The following TAF1D variants were observed in gnomAD, a reference collection of about 807,000 sequenced individuals.
The protein encoded by TAF1D is TATA-box binding protein associated factor, RNA polymerase I subunit D.
TAF1D carries 23 observed loss-of-function variants against 26.2 expected under a neutral mutation model. The observed-to-expected ratio is 0.88, with a 90% CI of 0.63 to 1.25. The LOEUF (loss-of-function observed/expected upper bound fraction) is 1.25, where lower values mean the gene tolerates loss of function less well. Ranked by LOEUF, TAF1D falls within the 50% of genes most tolerant of loss-of-function variation. The pLI, the probability that TAF1D is intolerant of heterozygous loss-of-function variation, is 0.00. For synonymous variants in TAF1D, 100 were observed against 105.6 expected (o/e 0.95, Z 0.33); for missense variants, 299 against 322.0 (o/e 0.93, Z 0.55).
exon 12 of TAF1D, chr11:93,730,254 C>CA (rs1257458938): frequency 1.3e-5 from 20 of 1,549,494 alleles, no homozygotes; most frequent in Admixed American, 2.0e-5. Flanking sequence ...AACTTCGAGC[C>CA]AAAAATACAT....
At position 93,736,687 on chromosome 11, in the gene TAF1D, CACTT is replaced by C. The variant is rs1940867515; in HGVS notation, c.693+3_693+6del. 1.2e-6 allele frequency: 2 copies of C among 1,610,584 alleles called. No homozygotes were observed. Among genetic ancestry groups the C allele is most frequent in the Non-Finnish European group, 1.7e-6 (2 of 1,179,042 alleles). ...AAAATGGAATAGGAAAAAAATAAGT[CACTT>C]ACTGCCAATTTGATATCACATTCGT... On this transcript the variant is annotated splice_donor_5th_base_variant and intron_variant, in intron 5 of 5. Transcript: ENST00000448108.
At chr11:93,734,491 C>T (rs997382973), downstream of TAF1D, 66 of 380,502 alleles carry the variant, frequency 1.7e-4, no homozygotes, top group African/African-American at 1.3e-3. Flanking sequence ...TAGGATTCTT[C>T]TTTTCAGAAA....
downstream of TAF1D, chr11:93,733,544 C>T (rs572857017): frequency 1.2e-5 from 6 of 518,882 alleles, no homozygotes; most frequent in East Asian, 5.5e-5. Context: ...CTCTATGAGG[C>T]GTTTCCAACG....
intron 2 of TAF1D, 123 bp downstream of exon 2, chr11:93,739,114 G>T: frequency 1.4e-6 from 1 of 697,758 alleles, no homozygotes; most frequent in Non-Finnish European, 2.4e-6. Context: ...AGATAAACTT[G>T]GAAGGTCAGT....
chr11:93,741,455 C>A lies in TAF1D; in HGVS notation c.-161G>T, dbSNP rs867197417. 4.4e-6 allele frequency: 2 copies of A among 456,236 alleles called. No individual in the cohort carries two copies. Among genetic ancestry groups the A allele is most frequent in the South Asian group, 1.5e-5 (1 of 64,576 alleles). The allele number at this position is 456,236 out of a possible 1,614,324, so 28.3% of individuals were successfully genotyped here. A position where few individuals can be genotyped will look rare whatever the true frequency, so the allele number is the denominator to read the frequency against. Reference sequence around the variant, plus strand: ...CTCCCGACCTCAGCCCTCCAACTCCCGATAACCAGCCGACCTCCTCCAACC... The same window carrying A: ...CTCCCGACCTCAGCCCTCCAACTCCAGATAACCAGCCGACCTCCTCCAACC... On this transcript the variant is annotated 5_prime_UTR_variant, in exon 1 of 6. Coordinates refer to ENST00000448108, the MANE Select transcript of TAF1D (RefSeq NM_024116.4).
chr11:93,730,795 G>A (rs61921277), downstream of TAF1D: 4,873 of 410,996 alleles, frequency 0.012, 50 homozygotes, highest in Middle Eastern at 0.048. Context: ...TCCCTAGAAC[G>A]AGCCTGAGTT....
chr11:93,733,683 T>G (rs1183178144), downstream of TAF1D: 1 of 467,270 alleles, frequency 2.1e-6, no homozygotes, highest in Non-Finnish European at 4.2e-6. Context: ...CTGAATCACT[T>G]GAGCCCAGGG....
At chr11:93,738,066 A>T in intron 3 of TAF1D, 43 bp downstream of exon 3, 6 of 1,509,950 alleles carry the variant, frequency 4.0e-6, no homozygotes, top group Non-Finnish European at 5.3e-6. Context: ...CATTTTGGGC[A>T]TCTTGAGTTA....
chr11:93,737,086 T>C lies in TAF1D; in HGVS notation c.613A>G (p.Ile205Val). 2 of 1,605,996 alleles carry C rather than the reference T, an allele frequency of 1.2e-6. No homozygotes were observed. The highest frequency in any genetic ancestry group is 1.1e-5 in the South Asian group (1 of 88,622). The change falls in exon 4 of 6, where the codon ATT becomes GTT. Residue 205 changes from isoleucine to valine, a missense_variant. Ile to Val is a conservative substitution (Grantham distance 29). Transcript: ENST00000448108. ...TACGTTGACTCCTCAATAGGAGAAA[T>C]GGATCCATCATCATCCAAAAATTTG... Reference protein sequence around the residue: ...RYKFLDDDGSISPIEESTAED... With the variant: ...RYKFLDDDGSVSPIEESTAED...
At chr11:93,732,704 TAA>T (rs1215434443), downstream of TAF1D, 6 of 278,134 alleles carry the variant, frequency 2.2e-5, no homozygotes, top group South Asian at 1.8e-4. Flanking sequence ...CTATAAAACT[TAA>T]AGATGGAATA....
chr11:93,735,800 T>C lies in TAF1D; in HGVS notation c.*361A>G, dbSNP rs1940648485. Reference sequence around the variant, plus strand: ...AATTACAGCATTTCAAATCCCCTCTTCAAGATGGTTGGGTGTCAAGTTACT... The same window carrying C: ...AATTACAGCATTTCAAATCCCCTCTCCAAGATGGTTGGGTGTCAAGTTACT... On this transcript the variant is annotated 3_prime_UTR_variant, in exon 6 of 6. Coordinates refer to ENST00000448108, the MANE Select transcript of TAF1D (RefSeq NM_024116.4). 1.9e-6 allele frequency: 2 copies of C among 1,063,598 alleles called. No homozygotes were observed. Among genetic ancestry groups the C allele is most frequent in the South Asian group, 2.9e-5 (1 of 34,812 alleles). The allele number at this position is 1,063,598 out of a possible 1,614,324, so 65.9% of individuals were successfully genotyped here.
chr11:93,741,414 C>G lies in TAF1D; in HGVS notation c.-120G>C, dbSNP rs904954853. The G allele has an allele frequency of 2.2e-6, 1 of 456,338 alleles. No homozygotes were observed. The allele number at this position is 456,338 out of a possible 1,614,324, so 28.3% of individuals were successfully genotyped here. On this transcript the variant is annotated 5_prime_UTR_variant, in exon 1 of 6. Coordinates refer to ENST00000448108, the MANE Select transcript of TAF1D (RefSeq NM_024116.4). ...CCGCGACTGGCCTGGTGTCCTAGAG[C>G]TCTGTACACACCACCCTCCCGACCT...
At chr11:93,737,970 A>T in intron 3 of TAF1D, 139 bp downstream of exon 3, 1 of 859,310 alleles carries the variant, frequency 1.2e-6, no homozygotes, top group Non-Finnish European at 1.7e-6. Context: ...GGTGGACTTT[A>T]GGGGTAAGTC....
chr11:93,734,786 T>C, downstream of TAF1D: 1 of 1,251,452 alleles, frequency 8.0e-7, no homozygotes, highest in South Asian at 1.3e-5. Context: ...TCAACCTTTT[T>C]TTCTTAAGAG....
chr11:93,738,622 T>A, intron 2 of TAF1D, 123 bp from the exon 3 acceptor site: 1 of 1,031,674 alleles, frequency 9.7e-7, no homozygotes, highest in Non-Finnish European at 1.3e-6. Flanking sequence ...GAATTAAAAA[T>A]TTTTTAAAGG....
At position 93,738,357 on chromosome 11, in the gene TAF1D, CA is replaced by C; in HGVS notation, c.210del (p.Phe70LeufsTer6). ...GCTTTTATAGTCAATGGTATTGGTTCAAAAGATGAGTCACTTGATGAATCAC... is the reference window on the plus strand; with the variant it reads ...GCTTTTATAGTCAATGGTATTGGTTCAAAGATGAGTCACTTGATGAATCAC... ...HASDSSSDSSFEPIPLTIKAI... is the reference protein window; with the variant it reads ...HASDSSSDSSXEPIPLTIKAI... On this transcript the variant is annotated frameshift_variant, in exon 3 of 6. Coordinates refer to ENST00000448108, the MANE Select transcript of TAF1D (RefSeq NM_024116.4). LOFTEE classifies it high-confidence loss of function. 1 of 1,613,660 alleles carries C rather than the reference CA, an allele frequency of 6.2e-7. No homozygotes were observed. The highest frequency in any genetic ancestry group is 2.2e-5 in the East Asian group (1 of 44,850).
At chr11:93,736,366 T>C in intron 5 of TAF1D, 62 bp from the exon 6 acceptor site, 1 of 1,511,670 alleles carries the variant, frequency 6.6e-7, no homozygotes, top group Non-Finnish European at 8.8e-7. Context: ...AGTAATTACA[T>C]ATAGCTGAAT....
At chr11:93,734,620 C>G, downstream of TAF1D, 3 of 756,854 alleles carry the variant, frequency 4.0e-6, no homozygotes, top group Non-Finnish European at 6.0e-6. Flanking sequence ...CAAATTGAGA[C>G]ATACCTTTAA....
At chr11:93,741,278 C>T (rs1458511965) in intron 1 of TAF1D, 44 bp downstream of exon 1, 3 of 455,614 alleles carry the variant, frequency 6.6e-6, no homozygotes, top group South Asian at 4.7e-5. Context: ...CAACGCCTCC[C>T]CCGCCCGCCA....
Sources: allele counts gnomAD v4.1 joint callset, GRCh38; gene constraint gnomAD v4.1.1; transcripts MANE v1.5; gene names NCBI Gene and HGNC (gene_info 2026-07-23, HGNC 2026-07-21).